The following SUPT5H variants were observed in gnomAD, a reference collection of about 807,000 sequenced individuals.
SUPT5H encodes the protein transcription elongation factor SPT5.
A neutral mutation model predicts 142.5 loss-of-function variants in SUPT5H; 24 were observed. The observed-to-expected ratio is 0.17, with a 90% confidence interval of 0.12 to 0.24. The LOEUF is 0.24. SUPT5H is among the 10% of genes least tolerant of loss of function. The pLI, the probability that SUPT5H is intolerant of heterozygous loss-of-function variation, is 1.00. For missense variants in SUPT5H, 893 were observed against 1,471.8 expected (o/e 0.61, Z 6.43); for synonymous variants, 546 against 553.0 (o/e 0.99, Z 0.18).
chr19:39,455,627 CTT>C (rs113696535), intron 3 of SUPT5H, among the ~76,000 whole-genome samples: 5 of 143,322 alleles, frequency 3.5e-5, no homozygotes, highest in South Asian at 2.2e-4. Context: ...TTCTTTTCTT[CTT>C]TTTTTTTTTT....
chr19:39,473,150 T>C lies in SUPT5H; in HGVS notation c.2258+36T>C. The C allele has an allele frequency of 6.2e-7, 1 of 1,610,940 alleles. No individual in the cohort carries two copies. The highest frequency in any genetic ancestry group is 1.1e-5 in the South Asian group (1 of 91,068). ...GGCCTGGGGAGGGCCAGGGTGGGGC[T>C]TGCTAGGCAGTGAGAGGGGTCTGCT... On this transcript the variant is annotated intron_variant, in intron 23 of 29. Transcript: ENST00000432763. This position sits in a 1 kb window ranked among gnomAD's most constrained non-coding sequence, Gnocchi z 5.8.
Position 39,458,180 on chromosome 19 carries a change from C to T in SUPT5H, c.308-114C>T. 6.7e-7 allele frequency: 1 copy of T among 1,502,816 alleles called. No individual in the cohort carries two copies. The highest frequency in any genetic ancestry group is 8.9e-7 in the Non-Finnish European group (1 of 1,124,834). 93.1% of individuals were successfully genotyped at this position (1,502,816 alleles called of 1,614,324 possible). A position where few individuals can be genotyped will look rare whatever the true frequency, so the allele number is the denominator to read the frequency against. The stretch of plus-strand genomic sequence containing the variant: ...TGTCCCTCCCTTCCCCTCCCCCAAC[C>T]CATTGGTTGATTTTGCTGCTATAAT... On this transcript the variant is annotated intron_variant, in intron 4 of 29. Coordinates refer to ENST00000432763, the MANE Select transcript of SUPT5H (RefSeq NM_001111020.3). This position sits in a 1 kb window ranked among gnomAD's most constrained non-coding sequence, Gnocchi z 4.2.
At position 39,473,630 on chromosome 19, in the gene SUPT5H, T is replaced by C; in HGVS notation, c.2492+109T>C. Reference sequence around the variant, plus strand: ...GTGGGGCCCACCCAGCATTCTCTGCTCCTAGCCTCAGGCTGGTCCCTTTGA... The same window carrying C: ...GTGGGGCCCACCCAGCATTCTCTGCCCCTAGCCTCAGGCTGGTCCCTTTGA... On this transcript the variant is annotated intron_variant, in intron 25 of 29. Transcript: ENST00000432763. This position sits in a 1 kb window ranked among gnomAD's most constrained non-coding sequence, Gnocchi z 5.8. 1 of 1,271,746 alleles carries C rather than the reference T, an allele frequency of 7.9e-7. No homozygotes were observed. Among genetic ancestry groups the C allele is most frequent in the Non-Finnish European group, 1.1e-6 (1 of 928,670 alleles). 78.8% of individuals were successfully genotyped at this position (1,271,746 alleles called of 1,614,324 possible).
At chr19:39,447,066 G>C (rs2078963725) in intron 2 of SUPT5H, among the ~76,000 whole-genome samples, 1 of 152,038 alleles carries the variant, frequency 6.6e-6, no homozygotes, top group African/African-American at 2.4e-5. Context: ...TTGGGAGGCT[G>C]AGGTGGGAAG....
At position 39,473,314 on chromosome 19, in the gene SUPT5H, G is replaced by A; in HGVS notation, c.2370G>A (p.Gln790=). The change falls in exon 24 of 30, where the codon CAG becomes CAA. Residue 790 remains glutamine, a synonymous_variant. Coordinates refer to ENST00000432763, the MANE Select transcript of SUPT5H (RefSeq NM_001111020.3). This position sits in a 1 kb window ranked among gnomAD's most constrained non-coding sequence, Gnocchi z 5.8. ...CCCGAACACCCATGTACGGCTCACA[G>A]ACACCCCTCCAGGATGGTGAGTGCC... The part of the protein sequence containing the change: ...SGSRTPMYGS[Q]TPLQDGSRTP... 1 of 1,613,896 alleles carries A rather than the reference G, an allele frequency of 6.2e-7. No individual in the cohort carries two copies. The highest frequency in any genetic ancestry group is 8.5e-7 in the Non-Finnish European group (1 of 1,179,966).
chr19:39,452,311 C>T (rs1405521017), intron 2 of SUPT5H, among the ~76,000 whole-genome samples: 1 of 152,060 alleles, frequency 6.6e-6, no homozygotes, highest in African/African-American at 2.4e-5. Context: ...GGACACGTGT[C>T]ATCTCTAGAG....
At chr19:39,475,881 C>T (rs907469541) in intron 28 of SUPT5H, 200 bp from the exon 29 acceptor site, 5 of 586,746 alleles carry the variant, frequency 8.5e-6, no homozygotes, top group Non-Finnish European at 1.2e-5. Flanking sequence ...CTGATGCTTC[C>T]CTTGCTGATT....
rs1395031289 is a variant in SUPT5H at position 39,470,396 on chromosome 19, AC to A, written c.1552del (p.Leu518CysfsTer36). ...TMHELKVLPR[D>X]LQLCSETASG... The stretch of plus-strand genomic sequence containing the variant: ...TGGCAGCTGAAGGTGCTCCCCCGGG[AC>A]CTGCAGCTCTGCTCAGAGACAGCAT... On this transcript the variant is annotated frameshift_variant, in exon 18 of 30. Transcript: ENST00000432763. LOFTEE classifies it high-confidence loss of function. This position sits in a 1 kb window ranked among gnomAD's most constrained non-coding sequence, Gnocchi z 5.8. 1 of 1,585,706 alleles carries A rather than the reference AC, an allele frequency of 6.3e-7. No homozygotes were observed. The highest frequency in any genetic ancestry group is 8.6e-7 in the Non-Finnish European group (1 of 1,163,168).
At chr19:39,471,802 A>G in intron 20 of SUPT5H, 72 bp downstream of exon 20, 1 of 1,543,282 alleles carries the variant, frequency 6.5e-7, no homozygotes, top group Non-Finnish European at 8.7e-7. Context: ...CTGGCCCCAG[A>G]AGTGATAAGA....
intron 10 of SUPT5H, among the ~76,000 whole-genome samples, chr19:39,461,941 AT>A (rs1258882475): frequency 4.0e-5 from 6 of 150,310 alleles, no homozygotes; most frequent in Non-Finnish European, 3.0e-5. Flanking sequence ...TCTGATTATT[AT>A]TTTTTTTTGA....
chr19:39,463,396 GC>G (rs1383680287), intron 10 of SUPT5H, among the ~76,000 whole-genome samples: 1 of 152,052 alleles, frequency 6.6e-6, no homozygotes, highest in Non-Finnish European at 1.5e-5. Context: ...GGAGTGTGTT[GC>G]CATGTATTTG....
In SUPT5H at chr19:39,459,201, A is replaced by T. The variant is rs1160216809; in HGVS notation, c.476A>T (p.Asp159Val). The T allele has an allele frequency of 6.3e-7, 1 of 1,583,842 alleles. No individual in the cohort carries two copies. Among genetic ancestry groups the T allele is most frequent in the Non-Finnish European group, 8.6e-7 (1 of 1,164,854 alleles). ...SVGETVYGGS[D>V]ELSDDITQQQ... ...CCCTTCAGGGTGTATGGAGGATCTG[A>T]TGAGCTCTCAGACGACATCACCCAG... Residue 159 changes from aspartate (D) to valine (V), a missense_variant, in exon 8 of 30, where the codon GAT becomes GTT. Physicochemically the swap from Asp to Val is radical, Grantham distance 152 (BLOSUM62 -3). This residue lies in a region of SUPT5H where 428 missense variants were observed against 763.5 expected (regional missense o/e 0.56). Coordinates refer to ENST00000432763, the MANE Select transcript of SUPT5H (RefSeq NM_001111020.3).
Position 39,474,337 on chromosome 19 carries a change from G to A in SUPT5H, c.2755G>A (p.Ala919Thr). 1 of 1,614,076 alleles carries A rather than the reference G, an allele frequency of 6.2e-7. No individual in the cohort carries two copies. The highest frequency in any genetic ancestry group is 8.5e-7 in the Non-Finnish European group (1 of 1,180,016). Residue 919 changes from alanine (A) to threonine (T), a missense_variant, in exon 27 of 30, where the codon GCA (alanine) becomes ACA (threonine). By Grantham distance (58) the Ala-to-Thr change is moderately conservative. This residue lies in a region of SUPT5H where 336 missense variants were observed against 546.5 expected (regional missense o/e 0.61). Coordinates refer to ENST00000432763, the MANE Select transcript of SUPT5H (RefSeq NM_001111020.3). This position sits in a 1 kb window ranked among gnomAD's most constrained non-coding sequence, Gnocchi z 6.5. ...CTACCACCAGGTGGCGCCAAGCCCA[G>A]CAGGCTACCAGAATACCCACTCCCC... is the stretch of plus-strand genomic sequence containing the variant. ...QSYHQVAPSP[A>T]GYQNTHSPAS...
chr19:39,469,919 G>T lies in SUPT5H; in HGVS notation c.1375-200G>T. 1 of 632,350 alleles carries T rather than the reference G, an allele frequency of 1.6e-6. No homozygotes were observed. The highest frequency in any genetic ancestry group is 2.7e-6 in the Non-Finnish European group (1 of 374,092). The allele number at this position is 632,350 out of a possible 1,614,324, so 39.2% of individuals were successfully genotyped here. On this transcript the variant is annotated intron_variant, in intron 16 of 29. Coordinates refer to ENST00000432763, the MANE Select transcript of SUPT5H (RefSeq NM_001111020.3). This position sits in a 1 kb window ranked among gnomAD's most constrained non-coding sequence, Gnocchi z 5.1. ...GCGGGCTGGGGTAAAGGTTGTCCAG[G>T]TTGGTGTCCTGTGTCTGGGGTCAGC...
chr19:39,453,759 G>GTATT (rs1358277168), intron 3 of SUPT5H, among the ~76,000 whole-genome samples: 9 of 152,086 alleles, frequency 5.9e-5, no homozygotes, highest in Non-Finnish European at 1.3e-4. Context: ...TGGAGACGGG[G>GTATT]TTTCACCTTG....
chr19:39,475,948 C>T, intron 28 of SUPT5H, 133 bp from the exon 29 acceptor site: 1 of 796,580 alleles, frequency 1.3e-6, no homozygotes, highest in Non-Finnish European at 2.0e-6. Context: ...GAACCAGGCC[C>T]AGCCTTGGCC....
Position 39,459,258 on chromosome 19 carries a change from G to T in SUPT5H, c.524+9G>T. 6.4e-7 allele frequency: 1 copy of T among 1,557,262 alleles called. No individual in the cohort carries two copies. The highest frequency in any genetic ancestry group is 8.7e-7 in the Non-Finnish European group (1 of 1,150,030). Reference sequence around the variant, plus strand: ...CTGCTCCCAGGAGTCAAGTAAGGGGGTTGGGATGGTGGGGGCCGTGCTGGG... The same window carrying T: ...CTGCTCCCAGGAGTCAAGTAAGGGGTTTGGGATGGTGGGGGCCGTGCTGGG... On this transcript the variant is annotated intron_variant, in intron 8 of 29. Transcript: ENST00000432763.
In SUPT5H at chr19:39,470,617, G is replaced by A; in HGVS notation, c.1677+94G>A. The A allele has an allele frequency of 7.3e-7, 1 of 1,370,656 alleles. No individual in the cohort carries two copies. The highest frequency in any genetic ancestry group is 1.5e-5 in the African/African-American group (1 of 67,328). The allele number at this position is 1,370,656 out of a possible 1,614,324, so 84.9% of individuals were successfully genotyped here. A position where few individuals can be genotyped will look rare whatever the true frequency, so the allele number is the denominator to read the frequency against. On this transcript the variant is annotated intron_variant, in intron 18 of 29. Coordinates refer to ENST00000432763, the MANE Select transcript of SUPT5H (RefSeq NM_001111020.3). The surrounding 1 kb of genome is among the most constrained non-coding windows in gnomAD (Gnocchi z 5.8). Reference sequence around the variant, plus strand: ...TGGGAGGTGGCAGAGCCCCCAGACTGCTCTGGGTTGCAGATCTGGCTCTGT... The same window carrying A: ...TGGGAGGTGGCAGAGCCCCCAGACTACTCTGGGTTGCAGATCTGGCTCTGT...
intron 3 of SUPT5H, 100 bp downstream of exon 3, chr19:39,453,621 C>T: frequency 7.3e-7 from 1 of 1,369,686 alleles, no homozygotes; most frequent in Admixed American, 2.8e-5. Flanking sequence ...CTCTGTCGCC[C>T]AGGCTGGAGT....
Sources: gnomAD v4.1 joint callset for allele counts (sites outside exome capture counted in the v4.1 genomes callset) on GRCh38, gnomAD v4.1.1 for gene constraint, gnomAD v4.1.1 regional missense constraint, Gnocchi (gnomAD v3.1) non-coding constraint, MANE v1.5 for transcripts, NCBI Gene and HGNC (gene_info 2026-07-23, HGNC 2026-07-21) for gene names.